GGH: variants seen among roughly 807,000 people sequenced by gnomAD.
The protein encoded by GGH is gamma-Glu-X carboxypeptidase.
In GGH, 18 loss-of-function variants were observed where a neutral mutation model predicts 39.2. That is an observed-to-expected ratio of 0.46 (90% CI 0.32 to 0.68). GGH has a LOEUF of 0.68. GGH is among the 30% of genes least tolerant of loss of function. The pLI is 0.04. For missense variants in GGH, 367 were observed against 384.1 expected (o/e 0.96, Z 0.37); for synonymous variants, 147 against 138.8 (o/e 1.06, Z -0.42).
intron 7 of GGH, among the ~76,000 whole-genome samples, chr8:63,018,969 TAAG>T (rs1356109124): frequency 2.0e-5 from 3 of 152,164 alleles, no homozygotes; most frequent in Non-Finnish European, 4.4e-5. Context: ...TATGAGGCAC[TAAG>T]AAGGACAAGA....
chr8:63,035,544 G>GTCTCGAACTGAC, intron 2 of GGH, 112 bp downstream of exon 2: 1 of 1,436,796 alleles, frequency 7.0e-7, no homozygotes, highest in Non-Finnish European at 9.2e-7. Context: ...GACCTCAGTA[G>GTCTCGAACTGAC]TCCACCCGCC....
intron 7 of GGH, among the ~76,000 whole-genome samples, chr8:63,021,092 T>G (rs568799408): frequency 1.3e-5 from 2 of 152,310 alleles, no homozygotes; most frequent in East Asian, 3.9e-4. Flanking sequence ...TTCCTTAGAT[T>G]TACCACCGAA....
chr8:63,026,551 C>T lies in GGH; in HGVS notation c.361-255G>A, dbSNP rs565864987. Among the ~76,000 whole-genome samples, 4 of 152,182 alleles carry T rather than the reference C, an allele frequency of 2.6e-5. No individual in the cohort carries two copies. In the East Asian group the frequency reaches 7.7e-4, roughly 29 times the overall value. ...AAAGCCTATAGATTACTGACCTTAG[C>T]TATTAAAAGTTTGAAACAAGTATTT... On this transcript the variant is annotated intron_variant, in intron 4 of 8. Transcript: ENST00000260118.
rs369628539 is a variant in GGH, at chr8:63,018,210, TGATA to T, written c.698-584_698-581del. 1.2e-4 allele frequency among the ~76,000 whole-genome samples: 19 copies of T among 152,240 alleles called. No individual in the cohort carries two copies. In the East Asian group the frequency reaches 2.5e-3, roughly 20 times the overall value. Reference sequence around the variant, plus strand: ...CAGAGCTGTTGACAATTGTCAAAGCTGATAGATAGACACCCAGGGTTCATATTAC... The same window carrying T: ...CAGAGCTGTTGACAATTGTCAAAGCTGATAGACACCCAGGGTTCATATTAC... On this transcript the variant is annotated intron_variant, in intron 7 of 8. Coordinates refer to ENST00000260118, the MANE Select transcript of GGH (RefSeq NM_003878.3).
intron 2 of GGH, among the ~76,000 whole-genome samples, chr8:63,031,112 A>G (rs1197203278): frequency 6.6e-6 from 1 of 152,226 alleles, no homozygotes; most frequent in Non-Finnish European, 1.5e-5. Flanking sequence ...ACTTATGATT[A>G]GATGTCAACT....
Position 63,017,624 on chromosome 8 carries a change from T to C in GGH, c.704A>G (p.Lys235Arg), listed in dbSNP as rs111541291. The C allele has an allele frequency of 3.4e-5, 53 of 1,570,270 alleles. No individual in the cohort carries two copies. Among genetic ancestry groups the C allele is most frequent in the Non-Finnish European group, 4.3e-5 (49 of 1,149,834 alleles). Reference protein sequence around the residue: ...IEFISTMEGYKYPVYGVQWHP... With the variant: ...IEFISTMEGYRYPVYGVQWHP... ...CCACTGGACACCATATACTGGATACTTATATCCTGTAAGAAGAACACAAAT... is the reference window on the plus strand; with the variant it reads ...CCACTGGACACCATATACTGGATACCTATATCCTGTAAGAAGAACACAAAT... The change falls in exon 8 of 9, where the codon AAG becomes AGG. Residue 235 changes from lysine (K) to arginine (R), a missense_variant. Coordinates refer to ENST00000260118, the MANE Select transcript of GGH (RefSeq NM_003878.3).
At chr8:63,028,518 C>T (rs1308570191) in intron 3 of GGH, 1 of 152,086 alleles carries the variant, frequency 6.6e-6, no homozygotes, top group Middle Eastern at 3.2e-3. Context: ...CTGCAAAATA[C>T]TATGGGGTCC....
At chr8:63,018,702 C>G (rs529774049) in intron 7 of GGH, among the ~76,000 whole-genome samples, 1 of 152,224 alleles carries the variant, frequency 6.6e-6, no homozygotes, top group Admixed American at 6.5e-5. Context: ...AAGAGACCCA[C>G]AGGCTGGGGG....
chr8:63,022,585 T>TA (rs1165986298), intron 7 of GGH, among the ~76,000 whole-genome samples: 1 of 152,120 alleles, frequency 6.6e-6, no homozygotes, highest in African/African-American at 2.4e-5. Flanking sequence ...GAGTAAGTCT[T>TA]ACTCTGTCGT....
At position 63,024,184 on chromosome 8, in the gene GGH, G is replaced by T; in HGVS notation, c.502C>A (p.Gln168Lys). The change falls in exon 6 of 9, where the codon CAA becomes AAA. Residue 168 changes from glutamine to lysine, a missense_variant and splice_region_variant. Gln to Lys is a moderately conservative substitution (Grantham distance 53, BLOSUM62 1). Coordinates refer to ENST00000260118, the MANE Select transcript of GGH (RefSeq NM_003878.3). Reference protein sequence around the residue: ...VAMPLNFTGGQLHSRMFQNFP... With the variant: ...VAMPLNFTGGKLHSRMFQNFP... ...TTCTGGAACATTCTGCTGTGCAATTGACCTGAAATAATTTAAGTACAAGAG... is the reference window on the plus strand; with the variant it reads ...TTCTGGAACATTCTGCTGTGCAATTTACCTGAAATAATTTAAGTACAAGAG... The T allele has an allele frequency of 1.3e-6, 2 of 1,567,436 alleles. No individual in the cohort carries two copies. The highest frequency in any genetic ancestry group is 1.1e-5 in the South Asian group (1 of 89,020).
Position 63,027,197 on chromosome 8 carries a change from T to C in GGH, c.344A>G (p.Tyr115Cys). The stretch of plus-strand genomic sequence containing the variant: ...GATATTTACCTGTATGGACAAGTTA[T>C]AAAATATTTTGGCCACTTTAGCATA... ...SDYAKVAKIF[Y>C]NLSIQSFDDG... is the part of the protein sequence containing the mutation. The change falls in exon 4 of 9, where the codon TAT (tyrosine) becomes TGT (cysteine). Residue 115 changes from tyrosine to cysteine, a missense_variant. Physicochemically the swap from Tyr to Cys is radical, Grantham distance 194 (BLOSUM62 -2). Coordinates refer to ENST00000260118, the MANE Select transcript of GGH (RefSeq NM_003878.3). 1.3e-6 allele frequency: 2 copies of C among 1,494,582 alleles called. No homozygotes were observed. The highest frequency in any genetic ancestry group is 1.9e-6 in the Non-Finnish European group (2 of 1,071,352). 92.6% of individuals were successfully genotyped at this position (1,494,582 alleles called of 1,614,324 possible). A position where few individuals can be genotyped will look rare whatever the true frequency, so the allele number is the denominator to read the frequency against.
chr8:63,026,667 T>C (rs1411533919), intron 4 of GGH, among the ~76,000 whole-genome samples: 1 of 152,158 alleles, frequency 6.6e-6, no homozygotes, highest in African/African-American at 2.4e-5. Flanking sequence ...TCACTGTTAA[T>C]AGTTGAGGAG....
At chr8:63,033,326 A>G (rs902866628) in intron 2 of GGH, among the ~76,000 whole-genome samples, 9 of 152,230 alleles carry the variant, frequency 5.9e-5, no homozygotes, top group Admixed American at 1.3e-4. Flanking sequence ...AAGGACTGGT[A>G]TCAATTCTGC....
At chr8:63,015,772 TCCC>T (rs1804476692) in intron 8 of GGH, among the ~76,000 whole-genome samples, 1 of 152,004 alleles carries the variant, frequency 6.6e-6, no homozygotes, top group South Asian at 2.1e-4. Context: ...TGTGCTGTAC[TCCC>T]CCTGCAGCAT....
At chr8:63,036,355 T>C (rs1804908870) in intron 1 of GGH, among the ~76,000 whole-genome samples, 1 of 152,166 alleles carries the variant, frequency 6.6e-6, no homozygotes, top group South Asian at 2.1e-4. Flanking sequence ...TCATTCAATA[T>C]ATACTGTTGA....
At chr8:63,027,925 T>C (rs1804727569) in intron 3 of GGH, among the ~76,000 whole-genome samples, 1 of 152,190 alleles carries the variant, frequency 6.6e-6, no homozygotes, top group South Asian at 2.1e-4. Flanking sequence ...TTTTACCATG[T>C]TTTTATATCA....
At chr8:63,019,747 C>T (rs563665139) in intron 7 of GGH, among the ~76,000 whole-genome samples, 65 of 152,302 alleles carry the variant, frequency 4.3e-4, no homozygotes, top group Middle Eastern at 6.8e-3. Flanking sequence ...GAGTCCTTCT[C>T]CAGCATGACA....
intron 2 of GGH, among the ~76,000 whole-genome samples, chr8:63,032,713 T>C (rs1482883757): frequency 1.3e-5 from 2 of 152,224 alleles, no homozygotes; most frequent in African/African-American, 2.4e-5. Flanking sequence ...ACTCACCCCA[T>C]ATGTATTACA....
intron 7 of GGH, among the ~76,000 whole-genome samples, chr8:63,023,097 G>C (rs1804623926): frequency 6.6e-6 from 1 of 152,148 alleles, no homozygotes; most frequent in Admixed American, 6.5e-5. Flanking sequence ...AGCCTGGGAT[G>C]AATGTCTGGT....
Sources: allele counts gnomAD v4.1 joint callset (sites outside exome capture counted in the v4.1 genomes callset), GRCh38; gene constraint gnomAD v4.1.1; transcripts MANE v1.5; gene names NCBI Gene and HGNC (gene_info 2026-07-23, HGNC 2026-07-21).